The following BMPR2 variants were observed in gnomAD, a reference collection of about 807,000 sequenced individuals.
BMPR2 encodes the protein bone morphogenetic protein receptor type-2.
A neutral mutation model predicts 100.8 loss-of-function variants in BMPR2; 29 were observed. That is an observed-to-expected ratio of 0.29 (90% CI 0.21 to 0.39). The LOEUF (loss-of-function observed/expected upper bound fraction) is 0.39, where lower values mean the gene tolerates loss of function less well. Among genes scored for constraint, BMPR2 ranks in the 10% least tolerant of loss-of-function variants. The pLI, the probability that BMPR2 is intolerant of heterozygous loss-of-function variation, is 1.00. For missense variants in BMPR2, 1,011 were observed against 1,274.5 expected, an observed-to-expected ratio of 0.79 and a Z score of 3.15; for synonymous variants, 382 against 442.3, an observed-to-expected ratio of 0.86 and a Z score of 1.71.
intron 1 of BMPR2, among the ~76,000 whole-genome samples, chr2:202,378,392 C>A (rs2105892920): frequency 6.6e-6 from 1 of 152,146 alleles, no homozygotes; most frequent in East Asian, 1.9e-4. Flanking sequence ...GGAGTGAATT[C>A]TACATATAAC....
At chr2:202,446,315 T>G (rs1409114467) in intron 1 of BMPR2, among the ~76,000 whole-genome samples, 1 of 150,088 alleles carries the variant, frequency 6.7e-6, no homozygotes, top group African/African-American at 2.5e-5. Context: ...AGGAGAATGC[T>G]TGAACCTGGG....
At chr2:202,450,374 G>C (rs1193030482) in intron 1 of BMPR2, among the ~76,000 whole-genome samples, 2 of 152,028 alleles carry the variant, frequency 1.3e-5, no homozygotes, top group Non-Finnish European at 2.9e-5. Flanking sequence ...TTTTATTTTT[G>C]AAAGGATTAT....
At chr2:202,545,799 C>T (rs1338122198) in intron 10 of BMPR2, among the ~76,000 whole-genome samples, 1 of 152,134 alleles carries the variant, frequency 6.6e-6, no homozygotes, top group Non-Finnish European at 1.5e-5. Context: ...AAGATTGCTT[C>T]CAAAACTACA....
At chr2:202,513,288 C>T (rs961096598) in intron 3 of BMPR2, among the ~76,000 whole-genome samples, 5 of 152,090 alleles carry the variant, frequency 3.3e-5, no homozygotes, top group African/African-American at 7.2e-5. Flanking sequence ...ATATTCTTGA[C>T]GTTGTGTTAA....
At chr2:202,405,775 C>T (rs1421998991) in intron 1 of BMPR2, among the ~76,000 whole-genome samples, 1 of 150,826 alleles carries the variant, frequency 6.6e-6, no homozygotes, top group African/African-American at 2.4e-5. Flanking sequence ...TGTAGTGTCT[C>T]CTTCAACTTG....
intron 9 of BMPR2, among the ~76,000 whole-genome samples, chr2:202,539,413 G>A (rs1480870591): frequency 2.0e-5 from 3 of 151,902 alleles, no homozygotes; most frequent in African/African-American, 7.3e-5. Context: ...GGGATACAGG[G>A]CACTCTTGAA....
At chr2:202,474,307 A>G (rs2105967764) in intron 3 of BMPR2, among the ~76,000 whole-genome samples, 1 of 151,566 alleles carries the variant, frequency 6.6e-6, no homozygotes, top group African/African-American at 2.4e-5. Flanking sequence ...TACAAAAAGT[A>G]TAGCCAGGTG....
In BMPR2 at chr2:202,556,399, G is replaced by C; in HGVS notation, c.2734G>C (p.Glu912Gln). Residue 912 changes from glutamate (E) to glutamine (Q), a missense_variant, in exon 12 of 13, where the codon GAA becomes CAA. Glu to Gln is a conservative substitution (Grantham distance 29). Coordinates refer to ENST00000374580, the MANE Select transcript of BMPR2 (RefSeq NM_001204.7). ...SNNNNSNPCSEQDVLAQGVPS... is the reference protein window; with the variant it reads ...SNNNNSNPCSQQDVLAQGVPS... ...TAACAACAACAGCAATCCATGTTCAGAACAAGATGTTCTTGCACAGGGTGT... is the reference window on the plus strand; with the variant it reads ...TAACAACAACAGCAATCCATGTTCACAACAAGATGTTCTTGCACAGGGTGT... The C allele has an allele frequency of 1.2e-6, 2 of 1,614,198 alleles. No individual in the cohort carries two copies. The highest frequency in any genetic ancestry group is 1.7e-6 in the Non-Finnish European group (2 of 1,180,042).
intron 3 of BMPR2, among the ~76,000 whole-genome samples, chr2:202,473,044 T>C (rs918732604): frequency 3.3e-5 from 5 of 152,214 alleles, no homozygotes; most frequent in African/African-American, 1.2e-4. Flanking sequence ...AATAATTTTA[T>C]TTGTTGAAGT....
At chr2:202,557,551 C>T (rs1206152899) in intron 12 of BMPR2, among the ~76,000 whole-genome samples, 2 of 151,212 alleles carry the variant, frequency 1.3e-5, no homozygotes, top group East Asian at 3.9e-4. Flanking sequence ...CCTGTAATCC[C>T]AGCTACTTGG....
intron 7 of BMPR2, among the ~76,000 whole-genome samples, chr2:202,528,469 G>A (rs976470871): frequency 6.6e-6 from 1 of 152,198 alleles, no homozygotes; most frequent in African/African-American, 2.4e-5. Context: ...TTACAGGCGT[G>A]AGCCAGCACG....
At chr2:202,541,404 G>A (rs1688269774) in intron 9 of BMPR2, among the ~76,000 whole-genome samples, 1 of 152,068 alleles carries the variant, frequency 6.6e-6, no homozygotes, top group Non-Finnish European at 1.5e-5. Context: ...ACTCCATCCT[G>A]GGCAACAAAG....
chr2:202,470,770 CAAAAAAAAA>C (rs35813080), intron 3 of BMPR2, among the ~76,000 whole-genome samples: 2 of 65,504 alleles, frequency 3.1e-5, no homozygotes, highest in Non-Finnish European at 6.1e-5. Flanking sequence ...GACTCCGTCT[CAAAAAAAAA>C]AAAAAAAAAA....
rs373823931 is a variant in BMPR2 at position 202,554,699 on chromosome 2, T to C, written c.1587-553T>C. Among the ~76,000 whole-genome samples the C allele has an allele frequency of 2.6e-5, 4 of 152,346 alleles. No individual in the cohort carries two copies. In the East Asian group the frequency reaches 7.7e-4, roughly 29 times the overall value. On this transcript the variant is annotated intron_variant, in intron 11 of 12. Transcript: ENST00000374580. Reference sequence around the variant, plus strand: ...TTAGGCTCAAGGACTTTTACTGATATGACTCAGACTACCCCAGAAAGATAT... The same window carrying C: ...TTAGGCTCAAGGACTTTTACTGATACGACTCAGACTACCCCAGAAAGATAT...
intron 1 of BMPR2, among the ~76,000 whole-genome samples, chr2:202,408,377 C>T (rs559605079): frequency 1.3e-5 from 2 of 152,282 alleles, no homozygotes; most frequent in South Asian, 4.1e-4. Flanking sequence ...CACCTAAGTG[C>T]ACCAGTAGGT....
At chr2:202,484,828 G>A (rs1481356409) in intron 3 of BMPR2, among the ~76,000 whole-genome samples, 1 of 151,096 alleles carries the variant, frequency 6.6e-6, no homozygotes, top group East Asian at 1.9e-4. Context: ...AATTAGCCAG[G>A]CGTGGTGGCG....
chr2:202,536,594 C>T (rs887787669), intron 9 of BMPR2, among the ~76,000 whole-genome samples: 2 of 146,730 alleles, frequency 1.4e-5, no homozygotes, highest in Non-Finnish European at 3.0e-5. Context: ...TTTTTTTGGC[C>T]GGGTGCGGTG....
At chr2:202,454,471 A>G (rs935231728) in intron 1 of BMPR2, among the ~76,000 whole-genome samples, 39 of 152,196 alleles carry the variant, frequency 2.6e-4, no homozygotes, top group African/African-American at 9.4e-4. Flanking sequence ...TAAATCGGGG[A>G]TAAAGCCAAG....
rs1052070514 is a variant in BMPR2 at position 202,562,410 on chromosome 2, C to T, written c.*2464C>T. 6.6e-6 allele frequency: 1 copy of T among 152,396 alleles called. No homozygotes were observed. Among genetic ancestry groups the T allele is most frequent in the African/African-American group, 2.4e-5 (1 of 41,380 alleles). The allele number at this position is 152,396 out of a possible 1,614,324, so 9.4% of individuals were successfully genotyped here. A position where few individuals can be genotyped will look rare whatever the true frequency, so the allele number is the denominator to read the frequency against. On this transcript the variant is annotated 3_prime_UTR_variant, in exon 13 of 13. Coordinates refer to ENST00000374580, the MANE Select transcript of BMPR2 (RefSeq NM_001204.7). ...TTCACCAGTTTTTCTTAGTAAACTC[C>T]TGAAAAAGTAGGAAAGGTGGAAAGT...
Sources: gnomAD v4.1 joint callset for allele counts (sites outside exome capture counted in the v4.1 genomes callset) on GRCh38, gnomAD v4.1.1 for gene constraint, MANE v1.5 for transcripts, NCBI Gene and HGNC (gene_info 2026-07-23, HGNC 2026-07-21) for gene names.